SLC44A5: variants seen among roughly 807,000 people sequenced by gnomAD.
SLC44A5 encodes the protein choline transporter-like protein 5.
In SLC44A5, 57 loss-of-function variants were observed where a neutral mutation model predicts 101.8. The ratio of observed to expected loss-of-function variants is 0.56; its 90% confidence interval spans 0.45 to 0.70. The LOEUF (loss-of-function observed/expected upper bound fraction) is 0.70. Among genes scored for constraint, SLC44A5 ranks in the 30% least tolerant of loss-of-function variants. The probability of loss-of-function intolerance (pLI) is 0.00; values close to 1 mark genes in which losing one functional copy is unlikely to be tolerated. For synonymous variants in SLC44A5, 281 were observed against 290.9 expected, an observed-to-expected ratio of 0.97 and a Z score of 0.35; for missense variants, 737 against 853.1, an observed-to-expected ratio of 0.86 and a Z score of 1.70.
At chr1:75,493,773 C>T (rs1024505113) in intron 2 of SLC44A5, among the ~76,000 whole-genome samples, 11 of 152,152 alleles carry the variant, frequency 7.2e-5, no homozygotes, top group African/African-American at 2.7e-4. Flanking sequence ...CAGGATTCTC[C>T]CTCCACCCAC....
At chr1:75,441,918 T>C (rs992221985) in intron 2 of SLC44A5, among the ~76,000 whole-genome samples, 6 of 152,146 alleles carry the variant, frequency 3.9e-5, no homozygotes, top group African/African-American at 1.4e-4. Flanking sequence ...ACAACTCAAT[T>C]AGCAAGTTTG....
chr1:75,219,798 A>C lies in SLC44A5; in HGVS notation c.1178+2T>G. 6.2e-7 allele frequency: 1 copy of C among 1,605,330 alleles called. No individual in the cohort carries two copies. Among genetic ancestry groups the C allele is most frequent in the Non-Finnish European group, 8.5e-7 (1 of 1,173,194 alleles). On this transcript the variant is annotated splice_donor_variant, in intron 15 of 23. Coordinates refer to ENST00000370859, the MANE Select transcript of SLC44A5 (RefSeq NM_001130058.2). LOFTEE classifies it high-confidence loss of function. ...TTAAAGAGGCCAATTACCAAAGGAT[A>C]CACTGCTGTCACGACCCAGTAGCAA...
intron 6 of SLC44A5, among the ~76,000 whole-genome samples, chr1:75,264,279 C>T (rs983517628): frequency 6.6e-6 from 1 of 152,184 alleles, no homozygotes; most frequent in Non-Finnish European, 1.5e-5. Flanking sequence ...TGTGCTGCTG[C>T]TGGCTGCTCT....
chr1:75,219,180 TC>T, intron 16 of SLC44A5, 76 bp downstream of exon 16: 1 of 1,063,056 alleles, frequency 9.4e-7, no homozygotes. Flanking sequence ...TCGGGACAAT[TC>T]CTACCACAAC....
chr1:75,237,548 T>C (rs1648208691), intron 10 of SLC44A5, among the ~76,000 whole-genome samples: 1 of 152,066 alleles, frequency 6.6e-6, no homozygotes, highest in Non-Finnish European at 1.5e-5. Context: ...AACTACAACA[T>C]TGTCAACCCC....
the SLC44A5 span, among the ~76,000 whole-genome samples, chr1:75,643,527 T>G: frequency 1.3e-5 from 2 of 152,218 alleles, no homozygotes; most frequent in Non-Finnish European, 2.9e-5. Context: ...GGTCATTGGT[T>G]TGGCTGTGTC....
chr1:75,527,176 G>T (rs959436157), intron 2 of SLC44A5, among the ~76,000 whole-genome samples: 4 of 147,488 alleles, frequency 2.7e-5, no homozygotes, highest in Admixed American at 2.7e-4. Flanking sequence ...AAAAAGAAAA[G>T]GAAAGAAAAA....
the SLC44A5 span, among the ~76,000 whole-genome samples, chr1:75,699,243 C>A: frequency 6.6e-6 from 1 of 152,012 alleles, no homozygotes; most frequent in Non-Finnish European, 1.5e-5. Flanking sequence ...ATGTTAAGGG[C>A]AGCCAGAGAG....
chr1:75,458,377 T>C (rs1666307722), intron 2 of SLC44A5, among the ~76,000 whole-genome samples: 1 of 152,178 alleles, frequency 6.6e-6, no homozygotes, highest in Admixed American at 6.5e-5. Context: ...GCTAAGAATC[T>C]TGAGCTGTAT....
the SLC44A5 span, among the ~76,000 whole-genome samples, chr1:75,723,093 A>G: frequency 1.3e-5 from 2 of 152,086 alleles, no homozygotes; most frequent in African/African-American, 4.8e-5. Flanking sequence ...GGAAAGTTCT[A>G]AGTTGCTAGC....
At chr1:75,332,406 T>C (rs1016756820) in intron 4 of SLC44A5, among the ~76,000 whole-genome samples, 3 of 152,186 alleles carry the variant, frequency 2.0e-5, no homozygotes, top group African/African-American at 7.2e-5. Context: ...TCACTTAAGA[T>C]CCTTTCTAGA....
intron 6 of SLC44A5, among the ~76,000 whole-genome samples, chr1:75,251,543 A>G (rs890508606): frequency 6.6e-6 from 1 of 152,196 alleles, no homozygotes; most frequent in African/African-American, 2.4e-5. Context: ...CCCATAAGGT[A>G]GAACATTACA....
intron 2 of SLC44A5, among the ~76,000 whole-genome samples, chr1:75,483,682 T>C (rs115249759): frequency 0.021 from 3,205 of 152,284 alleles, 125 homozygotes; most frequent in African/African-American, 0.073. Context: ...AAATAAATTT[T>C]AAACGAGGGT....
At chr1:75,531,835 TA>T (rs1670737976) in intron 2 of SLC44A5, among the ~76,000 whole-genome samples, 1 of 152,170 alleles carries the variant, frequency 6.6e-6, no homozygotes, top group Non-Finnish European at 1.5e-5. Flanking sequence ...TATTGTGTGG[TA>T]AATAGATTAA....
chr1:75,345,421 A>G (rs1209469569), intron 3 of SLC44A5, among the ~76,000 whole-genome samples: 1 of 152,082 alleles, frequency 6.6e-6, no homozygotes, highest in Non-Finnish European at 1.5e-5. Context: ...TAATGGAGGG[A>G]AAAAAAGTTG....
chr1:75,210,271 G>T (rs1348309785), intron 23 of SLC44A5, among the ~76,000 whole-genome samples: 1 of 151,908 alleles, frequency 6.6e-6, no homozygotes, highest in Non-Finnish European at 1.5e-5. Flanking sequence ...ATGTTGCCCA[G>T]GCTGGTCTCA....
At chr1:75,478,352 C>T (rs569662542) in intron 2 of SLC44A5, among the ~76,000 whole-genome samples, 9 of 152,256 alleles carry the variant, frequency 5.9e-5, no homozygotes, top group Middle Eastern at 3.4e-3. Context: ...AACTAACGAG[C>T]AAAATAACCA....
At chr1:75,696,083 G>A in the SLC44A5 span, among the ~76,000 whole-genome samples, 1 of 152,030 alleles carries the variant, frequency 6.6e-6, no homozygotes, top group Non-Finnish European at 1.5e-5. Context: ...AACTCCAAAT[G>A]TTGGTGGCTT....
At chr1:75,480,365 C>G (rs550703298) in intron 2 of SLC44A5, among the ~76,000 whole-genome samples, 7 of 152,250 alleles carry the variant, frequency 4.6e-5, no homozygotes, top group Non-Finnish European at 1.0e-4. Context: ...CTCTTTCTCA[C>G]CACCCCTATT....
Sources: allele counts gnomAD v4.1 joint callset (sites outside exome capture counted in the v4.1 genomes callset), GRCh38; gene constraint gnomAD v4.1.1; transcripts MANE v1.5; gene names NCBI Gene and HGNC (gene_info 2026-07-23, HGNC 2026-07-21).